Variants in MMP16 observed in about 807,000 individuals in gnomAD.
MMP16 encodes the protein matrix metalloproteinase-16.
MMP16 carries 12 observed loss-of-function variants against 67.8 expected under a neutral mutation model. That is an observed-to-expected ratio of 0.18 (90% confidence interval 0.11 to 0.29). MMP16 has a LOEUF of 0.29. MMP16 is among the 10% of genes least tolerant of loss of function. The pLI, the probability that MMP16 is intolerant of heterozygous loss-of-function variation, is 1.00. For missense variants in MMP16, 475 were observed against 765.7 expected (o/e 0.62, Z 4.48); for synonymous variants, 249 against 255.9 (o/e 0.97, Z 0.26).
intron 6 of MMP16, among the ~76,000 whole-genome samples, chr8:88,085,152 T>C (rs1008007031): frequency 2.0e-5 from 3 of 152,024 alleles, no homozygotes; most frequent in Non-Finnish European, 4.4e-5. Context: ...AAAGGTACTG[T>C]AGTGTTTAAA....
intron 4 of MMP16, among the ~76,000 whole-genome samples, chr8:88,160,975 C>G (rs907006006): frequency 2.6e-5 from 4 of 152,078 alleles, no homozygotes; most frequent in African/African-American, 9.7e-5. Flanking sequence ...ATTTTTGCAT[C>G]GATGTTCATC....
intron 4 of MMP16, among the ~76,000 whole-genome samples, chr8:88,136,416 C>G (rs1808119714): frequency 1.3e-5 from 2 of 151,672 alleles, no homozygotes; most frequent in African/African-American, 4.8e-5. Flanking sequence ...TATAAAACTG[C>G]ACAAATCTTA....
At chr8:88,222,200 C>A (rs1809693964) in intron 1 of MMP16, among the ~76,000 whole-genome samples, 2 of 151,560 alleles carry the variant, frequency 1.3e-5, no homozygotes, top group African/African-American at 4.8e-5. Context: ...AGTGCACAAT[C>A]AAGACTTAAA....
chr8:88,090,144 T>A (rs1169902117), intron 6 of MMP16, among the ~76,000 whole-genome samples: 1 of 151,936 alleles, frequency 6.6e-6, no homozygotes, highest in African/African-American at 2.4e-5. Context: ...ATATTCCAAT[T>A]TTTTGCAAGG....
intron 4 of MMP16, among the ~76,000 whole-genome samples, chr8:88,127,516 A>T (rs1209115319): frequency 6.6e-6 from 1 of 151,828 alleles, no homozygotes; most frequent in Non-Finnish European, 1.5e-5. Context: ...TATGACCAAC[A>T]ACCATTATTA....
chr8:88,098,976 A>G (rs556164827), intron 6 of MMP16, among the ~76,000 whole-genome samples: 15 of 151,922 alleles, frequency 9.9e-5, no homozygotes, highest in Non-Finnish European at 2.1e-4. Flanking sequence ...AATTATAGCA[A>G]AATAAATTTT....
At chr8:88,064,621 T>C (rs748981717) in intron 7 of MMP16, among the ~76,000 whole-genome samples, 55 of 152,236 alleles carry the variant, frequency 3.6e-4, no homozygotes, top group African/African-American at 6.0e-4. Flanking sequence ...TCCCAATAAA[T>C]GGTTATAACA....
chr8:88,263,060 G>A (rs955868542), intron 1 of MMP16, among the ~76,000 whole-genome samples: 214 of 150,454 alleles, frequency 1.4e-3, no homozygotes, highest in African/African-American at 4.8e-3. Context: ...AATAAAAAAA[G>A]TTTTTTTTAA....
chr8:88,250,748 C>T (rs1316379041), intron 1 of MMP16, among the ~76,000 whole-genome samples: 1 of 151,198 alleles, frequency 6.6e-6, no homozygotes, highest in African/African-American at 2.4e-5. Flanking sequence ...TGTAGTCTTC[C>T]TAATCCTCTA....
At chr8:88,296,401 C>T (rs567626182) in intron 1 of MMP16, among the ~76,000 whole-genome samples, 10 of 152,296 alleles carry the variant, frequency 6.6e-5, no homozygotes, top group African/African-American at 2.2e-4. Flanking sequence ...TCCATCGCCT[C>T]ATCAACTTAT....
intron 6 of MMP16, among the ~76,000 whole-genome samples, chr8:88,108,465 A>G (rs1401194473): frequency 2.0e-5 from 3 of 151,164 alleles, no homozygotes; most frequent in African/African-American, 7.3e-5. Context: ...GCATTTGTCT[A>G]TTTTCCCTGA....
intron 1 of MMP16, among the ~76,000 whole-genome samples, chr8:88,228,973 C>A (rs181456100): frequency 6.5e-4 from 98 of 151,576 alleles, no homozygotes; most frequent in African/African-American, 2.2e-3. Context: ...CCAACCTGGG[C>A]AACATCTATG....
chr8:88,213,320 T>A (rs4504685), intron 1 of MMP16, among the ~76,000 whole-genome samples: 74,959 of 151,488 alleles, frequency 0.49, 20,382 homozygotes, highest in Non-Finnish European at 0.63. Context: ...AACCTTGTCA[T>A]CACGAGACGT....
chr8:88,118,180 A>G (rs1412772298), intron 5 of MMP16, among the ~76,000 whole-genome samples: 1 of 152,026 alleles, frequency 6.6e-6, no homozygotes, highest in Non-Finnish European at 1.5e-5. Context: ...CTCTAGGTCA[A>G]TAAATCATTA....
chr8:88,224,014 G>C (rs977061907), intron 1 of MMP16, among the ~76,000 whole-genome samples: 2 of 151,980 alleles, frequency 1.3e-5, no homozygotes, highest in African/African-American at 4.8e-5. Context: ...AAAGTCATGA[G>C]AAAAGTTTAT....
chr8:88,229,775 A>G (rs1163916017), intron 1 of MMP16, among the ~76,000 whole-genome samples: 3 of 152,114 alleles, frequency 2.0e-5, no homozygotes, highest in Non-Finnish European at 4.4e-5. Context: ...GTTGATGTGA[A>G]TAACAAGAGA....
At chr8:88,258,066 GA>G (rs1283387736) in intron 1 of MMP16, among the ~76,000 whole-genome samples, 1 of 147,346 alleles carries the variant, frequency 6.8e-6, no homozygotes, top group Non-Finnish European at 1.5e-5. Flanking sequence ...TTTTCTTTGA[GA>G]CAGAGTCTCG....
At chr8:88,060,103 T>TCC (rs1586128423) in intron 7 of MMP16, among the ~76,000 whole-genome samples, 1 of 152,194 alleles carries the variant, frequency 6.6e-6, no homozygotes, top group East Asian at 1.9e-4. Context: ...TACCATAAGT[T>TCC]CCCCATAAGC....
rs1399738899 is a variant in MMP16, at chr8:88,035,023, A to G, written c.*6438T>C. On this transcript the variant is annotated 3_prime_UTR_variant, in exon 10 of 10. Transcript: ENST00000286614. The surrounding 1 kb of genome is among the most constrained non-coding windows in gnomAD (Gnocchi z 4.7). ...TACCCACAGACCAAATACTACAGAA[A>G]TGTCTGTATTGTGACTGATATTTTT... 1 of 152,034 alleles carries G rather than the reference A, an allele frequency of 6.6e-6. No individual in the cohort carries two copies. Among genetic ancestry groups the G allele is most frequent in the Non-Finnish European group, 1.5e-5 (1 of 67,946 alleles). The allele number at this position is 152,034 out of a possible 1,614,324, so 9.4% of individuals were successfully genotyped here.
Sources: gnomAD v4.1 joint callset for allele counts (sites outside exome capture counted in the v4.1 genomes callset) on GRCh38, gnomAD v4.1.1 for gene constraint, Gnocchi (gnomAD v3.1) non-coding constraint, MANE v1.5 for transcripts, NCBI Gene and HGNC (gene_info 2026-07-23, HGNC 2026-07-21) for gene names.